ALKBH3: variants seen among roughly 807,000 people sequenced by gnomAD.
ALKBH3 encodes alkB homolog 3, alpha-ketoglutarate dependent dioxygenase.
In ALKBH3, 51 loss-of-function variants were observed where a neutral mutation model predicts 43.9. That is an observed-to-expected ratio of 1.16 (90% CI 0.93 to 1.47). The LOEUF (loss-of-function observed/expected upper bound fraction) is 1.47. Ranked by LOEUF, ALKBH3 falls within the 40% of genes most tolerant of loss-of-function variation. ALKBH3 has a pLI of 0.00. For missense variants in ALKBH3, 361 were observed against 351.9 expected, an observed-to-expected ratio of 1.03 and a Z score of -0.21; for synonymous variants, 102 against 115.2, an observed-to-expected ratio of 0.89 and a Z score of 0.73.
chr11:43,891,665 TG>T (rs1371356213), intron 6 of ALKBH3, among the ~76,000 whole-genome samples: 1 of 151,722 alleles, frequency 6.6e-6, no homozygotes, highest in African/African-American at 2.4e-5. Flanking sequence ...ACATGGATGT[TG>T]GTGCCACAAA....
In ALKBH3 at chr11:43,904,183, T is replaced by C. The variant is rs1215890355; in HGVS notation, c.669+2458T>C. Reference sequence around the variant, plus strand: ...CTCAGAAGTGGTAAAGTCCACATAATTGTCTGCCAGTGGCAAGGGAATCTG... The same window carrying C: ...CTCAGAAGTGGTAAAGTCCACATAACTGTCTGCCAGTGGCAAGGGAATCTG... On this transcript the variant is annotated intron_variant, in intron 8 of 9. Coordinates refer to ENST00000302708, the MANE Select transcript of ALKBH3 (RefSeq NM_139178.4). Among the ~76,000 whole-genome samples, 5 of 152,180 alleles carry C rather than the reference T, an allele frequency of 3.3e-5. No individual in the cohort carries two copies. In the South Asian group the frequency reaches 8.3e-4, roughly 25 times the overall value.
Position 43,882,678 on chromosome 11 carries a change from G to C in ALKBH3, c.26G>C (p.Arg9Pro). 1 of 1,613,394 alleles carries C rather than the reference G, an allele frequency of 6.2e-7. No homozygotes were observed. The highest frequency in any genetic ancestry group is 8.5e-7 in the Non-Finnish European group (1 of 1,179,812). The change falls in exon 2 of 10, where the codon CGA (arginine) becomes CCA (proline). Residue 9 changes from arginine (R) to proline (P), a missense_variant. By Grantham distance (103) the Arg-to-Pro change is moderately radical. Coordinates refer to ENST00000302708, the MANE Select transcript of ALKBH3 (RefSeq NM_139178.4). ...ATGGAGGAAAAAAGACGGCGAGCCCGAGTTCAGGGAGCCTGGGCTGCCCCT... is the reference window on the plus strand; with the variant it reads ...ATGGAGGAAAAAAGACGGCGAGCCCCAGTTCAGGGAGCCTGGGCTGCCCCT... MEEKRRRARVQGAWAAPVK... is the reference protein window; with the variant it reads MEEKRRRAPVQGAWAAPVK...
chr11:43,907,612 AT>A (rs1362442394), intron 8 of ALKBH3, among the ~76,000 whole-genome samples: 1 of 151,796 alleles, frequency 6.6e-6, no homozygotes, highest in Non-Finnish European at 1.5e-5. Flanking sequence ...GTATCTGGTG[AT>A]TTTTTTCATC....
intron 7 of ALKBH3, chr11:43,898,908 G>T (rs1951840325): frequency 5.3e-6 from 4 of 749,280 alleles, no homozygotes; most frequent in South Asian, 2.8e-5. Context: ...CATGTGCAAA[G>T]TGCCAGAGGG....
chr11:43,919,629 A>G (rs1301403363), intron 9 of ALKBH3: 1 of 356,306 alleles, frequency 2.8e-6, no homozygotes, highest in East Asian at 6.2e-5. Flanking sequence ...TCATCCATTT[A>G]TATGTTTTAT....
chr11:43,882,392 A>C (rs958434204), intron 1 of ALKBH3, among the ~76,000 whole-genome samples, 191 bp from the exon 2 acceptor site: 6 of 152,224 alleles, frequency 3.9e-5, no homozygotes, highest in Non-Finnish European at 7.3e-5. Flanking sequence ...TAAGATTACA[A>C]AAGGTGAATG....
intron 9 of ALKBH3, chr11:43,919,615 G>A (rs144113799): frequency 3.0e-6 from 1 of 338,610 alleles, no homozygotes; most frequent in African/African-American, 2.1e-5. Context: ...GCCTCTCTTT[G>A]GTCTCATCCA....
intron 8 of ALKBH3, among the ~76,000 whole-genome samples, chr11:43,906,615 G>A (rs1305808882): frequency 4.6e-5 from 7 of 152,168 alleles, no homozygotes; most frequent in African/African-American, 9.7e-5. Flanking sequence ...TTGGGAGGCC[G>A]AGATGGGAGG....
At chr11:43,905,285 T>C (rs185155397) in intron 8 of ALKBH3, among the ~76,000 whole-genome samples, 97 of 152,316 alleles carry the variant, frequency 6.4e-4, no homozygotes, top group African/African-American at 2.3e-3. Context: ...CACACTGTAT[T>C]CCTAACAGTT....
chr11:43,910,741 T>C (rs926322562), intron 8 of ALKBH3, among the ~76,000 whole-genome samples: 3 of 152,218 alleles, frequency 2.0e-5, no homozygotes, highest in African/African-American at 7.2e-5. Context: ...AGTGACCATC[T>C]TTATCCCAGG....
In ALKBH3 at chr11:43,898,369, C is replaced by G. The variant is rs1951834936; in HGVS notation, c.460-3147C>G. On this transcript the variant is annotated intron_variant, in intron 7 of 9. Transcript: ENST00000302708. The stretch of plus-strand genomic sequence containing the variant: ...GAAGCAGCACCAGGTAGACTACATT[C>G]TTGCTACCTGGGCCGTTCCACAGGT... 22 of 701,114 alleles carry G rather than the reference C, an allele frequency of 3.1e-5. No homozygotes were observed. In the South Asian group the frequency reaches 3.5e-4, roughly 11 times the overall value. 43.4% of individuals were successfully genotyped at this position (701,114 alleles called of 1,614,324 possible). A position where few individuals can be genotyped will look rare whatever the true frequency, so the allele number is the denominator to read the frequency against.
At chr11:43,893,600 TA>T (rs1436930340) in intron 7 of ALKBH3, among the ~76,000 whole-genome samples, 2 of 152,172 alleles carry the variant, frequency 1.3e-5, no homozygotes, top group East Asian at 3.8e-4. Context: ...CCAATCTTGT[TA>T]TTTTAGACAA....
intron 8 of ALKBH3, among the ~76,000 whole-genome samples, chr11:43,911,949 C>T (rs1041377539): frequency 2.0e-5 from 3 of 152,100 alleles, no homozygotes; most frequent in South Asian, 2.1e-4. Context: ...GGTGAAACCC[C>T]GTCTCTACTA....
chr11:43,898,220 G>T (rs956272053), intron 7 of ALKBH3: 3 of 1,037,688 alleles, frequency 2.9e-6, no homozygotes, highest in African/African-American at 3.1e-5. Flanking sequence ...AGACTTCACG[G>T]GTGGCTCCAG....
intron 7 of ALKBH3, among the ~76,000 whole-genome samples, chr11:43,896,433 T>G (rs1276363070): frequency 1.3e-5 from 2 of 152,148 alleles, no homozygotes; most frequent in African/African-American, 4.8e-5. Context: ...GTCCGATGTT[T>G]GAGGGCAGGA....
chr11:43,916,788 G>A (rs1027927486), intron 8 of ALKBH3: 2 of 152,170 alleles, frequency 1.3e-5, no homozygotes, highest in African/African-American at 4.8e-5. Flanking sequence ...TCTTGCTTCA[G>A]TTGAAGGGCA....
rs930613245 is a variant in ALKBH3 at position 43,906,445 on chromosome 11, G to C, written c.669+4720G>C. Among the ~76,000 whole-genome samples the C allele has an allele frequency of 2.0e-5, 3 of 152,208 alleles. No homozygotes were observed. The South Asian group carries it at 6.2e-4, about 31-fold the overall frequency. ...AGCTAGTACTATGCAGGATTTCATAGAGTGGAAACAACCCACACCTTAGCC... is the reference window on the plus strand; with the variant it reads ...AGCTAGTACTATGCAGGATTTCATACAGTGGAAACAACCCACACCTTAGCC... On this transcript the variant is annotated intron_variant, in intron 8 of 9. Coordinates refer to ENST00000302708, the MANE Select transcript of ALKBH3 (RefSeq NM_139178.4).
At chr11:43,906,256 C>A (rs1590377249) in intron 8 of ALKBH3, among the ~76,000 whole-genome samples, 1 of 152,168 alleles carries the variant, frequency 6.6e-6, no homozygotes, top group Admixed American at 6.5e-5. Flanking sequence ...CTAGTGTTTC[C>A]TTTGCTAATT....
rs1951835206 is a variant in ALKBH3, at chr11:43,898,401, G to A, written c.460-3115G>A. 1.1e-5 allele frequency: 8 copies of A among 708,860 alleles called. No individual in the cohort carries two copies. In the South Asian group the frequency reaches 1.3e-4, roughly 11 times the overall value. The allele number at this position is 708,860 out of a possible 1,614,324, so 43.9% of individuals were successfully genotyped here. ...CCTGGGCCGTTCCACAGGTCCTTCA[G>A]AATTACTACACGGGAGGCTGGCATC... On this transcript the variant is annotated intron_variant, in intron 7 of 9. Coordinates refer to ENST00000302708, the MANE Select transcript of ALKBH3 (RefSeq NM_139178.4).
Sources: gnomAD v4.1 joint callset for allele counts (sites outside exome capture counted in the v4.1 genomes callset) on GRCh38, gnomAD v4.1.1 for gene constraint, MANE v1.5 for transcripts, NCBI Gene and HGNC (gene_info 2026-07-23, HGNC 2026-07-21) for gene names.